Variants in GLIS3 observed in about 807,000 individuals in gnomAD.
GLIS3 encodes the protein GLIS family zinc finger 3.
In GLIS3, 53 loss-of-function variants were observed where a neutral mutation model predicts 78.6. The ratio of observed to expected loss-of-function variants is 0.67; its 90% CI spans 0.54 to 0.85. The LOEUF (loss-of-function observed/expected upper bound fraction) is 0.85, where lower values mean the gene tolerates loss of function less well. Ranked by LOEUF, GLIS3 falls within the 40% of genes least tolerant of loss-of-function variation. GLIS3 has a pLI of 0.00. For synonymous variants in GLIS3, 684 were observed against 509.9 expected, an observed-to-expected ratio of 1.34 and a Z score of -4.60; for missense variants, 1,703 against 1,231.1, an observed-to-expected ratio of 1.38 and a Z score of -5.74.
chr9:4,254,746 A>C (rs973492638), intron 2 of GLIS3, among the ~76,000 whole-genome samples: 2 of 151,762 alleles, frequency 1.3e-5, no homozygotes, highest in African/African-American at 4.8e-5. Context: ...AGGCTGAGGC[A>C]GGAGAATTGC....
chr9:4,372,521 G>C, the GLIS3 span, among the ~76,000 whole-genome samples: 2 of 145,894 alleles, frequency 1.4e-5, no homozygotes, highest in African/African-American at 5.1e-5. Context: ...TACACTTCAG[G>C]AGGCAATACT....
Position 4,236,819 on chromosome 9 carries a change from C to T in GLIS3, c.388+49219G>A, listed in dbSNP as rs551477846. On this transcript the variant is annotated intron_variant, in intron 2 of 10. Transcript: ENST00000381971. ...CCCAAATCTATTACATAAGACAATG[C>T]AAACTGGAAAAACAAATCCTTCCAA... Among the ~76,000 whole-genome samples, 4 of 152,308 alleles carry T rather than the reference C, an allele frequency of 2.6e-5. No individual in the cohort carries two copies. The East Asian group carries it at 5.8e-4, about 22-fold the overall frequency.
the GLIS3 span, among the ~76,000 whole-genome samples, chr9:4,411,346 A>G: frequency 6.6e-6 from 1 of 152,138 alleles, no homozygotes; most frequent in Non-Finnish European, 1.5e-5. Flanking sequence ...CGACCTCCCA[A>G]CTGTAAAAAG....
chr9:4,218,337 G>A (rs1294671139), intron 2 of GLIS3, among the ~76,000 whole-genome samples: 2 of 152,050 alleles, frequency 1.3e-5, no homozygotes, highest in Non-Finnish European at 2.9e-5. Flanking sequence ...ACAGTGCAGT[G>A]GTGCGATCTC....
At chr9:4,250,707 G>A (rs1011234941) in intron 2 of GLIS3, among the ~76,000 whole-genome samples, 1 of 152,148 alleles carries the variant, frequency 6.6e-6, no homozygotes, top group Non-Finnish European at 1.5e-5. Flanking sequence ...TGATGTTAGG[G>A]TGTCAATTTT....
intron 2 of GLIS3, among the ~76,000 whole-genome samples, chr9:4,320,983 C>A (rs1017683383): frequency 2.6e-5 from 4 of 151,986 alleles, no homozygotes; most frequent in African/African-American, 7.3e-5. Context: ...AAGAACGTTG[C>A]TTGAGAAGGC....
intron 2 of GLIS3, among the ~76,000 whole-genome samples, chr9:4,138,910 A>G (rs12683045): frequency 0.23 from 35,118 of 152,094 alleles, 4,470 homozygotes; most frequent in Middle Eastern, 0.36. Flanking sequence ...GCTACAGTAG[A>G]CTTGCAAGCA....
the GLIS3 span, among the ~76,000 whole-genome samples, chr9:4,427,981 C>A: frequency 6.6e-6 from 1 of 151,122 alleles, no homozygotes; most frequent in South Asian, 2.1e-4. Context: ...CACAGAAATC[C>A]TGAACAAAAT....
intron 4 of GLIS3, among the ~76,000 whole-genome samples, chr9:4,050,697 TTTA>T (rs1825691653): frequency 6.6e-6 from 1 of 152,348 alleles, no homozygotes; most frequent in African/African-American, 2.4e-5. Flanking sequence ...GTTAGGGGCC[TTTA>T]TTGTTTTTAT....
intron 2 of GLIS3, among the ~76,000 whole-genome samples, chr9:4,173,057 G>C (rs1408245147): frequency 1.3e-5 from 2 of 152,032 alleles, no homozygotes; most frequent in Admixed American, 1.3e-4. Context: ...GCACAGCTGT[G>C]GGCCACATTC....
chr9:4,132,767 C>T (rs1257185418), intron 2 of GLIS3, among the ~76,000 whole-genome samples: 3 of 152,174 alleles, frequency 2.0e-5, no homozygotes, highest in Admixed American at 6.5e-5. Flanking sequence ...CCAAAATGAT[C>T]ATACGAGAGC....
the GLIS3 span, among the ~76,000 whole-genome samples, chr9:4,460,593 GA>G: frequency 6.0e-5 from 8 of 133,812 alleles, no homozygotes; most frequent in East Asian, 1.8e-3. Flanking sequence ...GGAGCTCTTA[GA>G]AAAATGTGCT....
At chr9:4,265,123 G>A (rs549567198) in intron 2 of GLIS3, among the ~76,000 whole-genome samples, 2 of 143,784 alleles carry the variant, frequency 1.4e-5, no homozygotes, top group African/African-American at 5.2e-5. Context: ...AGTGAGCCGA[G>A]ATCACGCCAC....
chr9:4,151,284 G>A (rs936115844), intron 2 of GLIS3, among the ~76,000 whole-genome samples: 4 of 152,140 alleles, frequency 2.6e-5, no homozygotes, highest in African/African-American at 7.2e-5. Context: ...GGAGAAAAAA[G>A]AAATCAGATT....
Position 4,189,979 on chromosome 9 carries a change from G to A in GLIS3, c.389-64038C>T, listed in dbSNP as rs371724343. On this transcript the variant is annotated intron_variant, in intron 2 of 10. Coordinates refer to ENST00000381971, the MANE Select transcript of GLIS3 (RefSeq NM_001042413.2). The stretch of plus-strand genomic sequence containing the variant: ...AGACCTGCAGCTGAGGGTCCTGTCT[G>A]TTAGAAGGAAAACCAACAAACAGAA... Among the ~76,000 whole-genome samples, 6 of 152,220 alleles carry A rather than the reference G, an allele frequency of 3.9e-5. No homozygotes were observed. The East Asian group carries it at 1.2e-3, about 29-fold the overall frequency.
At chr9:4,100,837 C>A (rs1303574332) in intron 4 of GLIS3, among the ~76,000 whole-genome samples, 1 of 152,194 alleles carries the variant, frequency 6.6e-6, no homozygotes, top group Non-Finnish European at 1.5e-5. Context: ...GGGGTAGAAA[C>A]TGCCCCCATA....
At chr9:4,325,683 C>G (rs1489851875) in intron 2 of GLIS3, among the ~76,000 whole-genome samples, 1 of 152,120 alleles carries the variant, frequency 6.6e-6, no homozygotes, top group East Asian at 1.9e-4. Flanking sequence ...GAGCCAAAAT[C>G]AACTCTCTTT....
chr9:4,278,904 C>A (rs1299181287), intron 2 of GLIS3, among the ~76,000 whole-genome samples: 1 of 152,202 alleles, frequency 6.6e-6, no homozygotes, highest in Non-Finnish European at 1.5e-5. Flanking sequence ...ACACAAATCA[C>A]CTTCATAGTG....
intron 2 of GLIS3, among the ~76,000 whole-genome samples, chr9:4,166,658 G>A (rs1815866765): frequency 6.6e-6 from 1 of 152,166 alleles, no homozygotes; most frequent in Non-Finnish European, 1.5e-5. Flanking sequence ...CTTCCAGTTG[G>A]CACTATTTAT....
Sources: gnomAD v4.1 joint callset for allele counts (sites outside exome capture counted in the v4.1 genomes callset) on GRCh38, gnomAD v4.1.1 for gene constraint, MANE v1.5 for transcripts, NCBI Gene and HGNC (gene_info 2026-07-23, HGNC 2026-07-21) for gene names.